The following FBXO22 variants were observed in gnomAD, a reference collection of about 807,000 sequenced individuals.
FBXO22 encodes F-box protein 22, also known as F-box only protein 22.
In FBXO22, 13 loss-of-function variants were observed where a neutral mutation model predicts 37.2. The ratio of observed to expected loss-of-function variants is 0.35; its 90% CI spans 0.23 to 0.56. The LOEUF is 0.56. Ranked by LOEUF, FBXO22 falls within the 20% of genes least tolerant of loss-of-function variation. The pLI, the probability that FBXO22 is intolerant of heterozygous loss-of-function variation, is 0.87. For synonymous variants in FBXO22, 189 were observed against 189.1 expected (o/e 1.00, Z 0.00); for missense variants, 446 against 509.9 (o/e 0.87, Z 1.21).
intron 5 of FBXO22, among the ~76,000 whole-genome samples, chr15:75,925,589 C>T (rs1051648316): frequency 6.6e-6 from 1 of 150,698 alleles, no homozygotes; most frequent in Non-Finnish European, 1.5e-5. Context: ...CAGAGAGAAT[C>T]AGTGCTGAAG....
Position 75,904,019 on chromosome 15 carries a change from G to C in FBXO22, c.56G>C (p.Ser19Thr). ...ECRGSSVDPR[S>T]TFVLSNLAEV... Reference sequence around the variant, plus strand: ...CGCGGCTCCTCCGTAGACCCGCGGAGCACCTTCGTGTTGAGTAACCTGGCG... The same window carrying C: ...CGCGGCTCCTCCGTAGACCCGCGGACCACCTTCGTGTTGAGTAACCTGGCG... The change falls in exon 1 of 7, where the codon AGC (serine) becomes ACC (threonine). Residue 19 changes from serine to threonine, a missense_variant. Physicochemically the swap from Ser to Thr is moderately conservative, Grantham distance 58. This residue lies in a region of FBXO22 where 131 missense variants were observed against 99.8 expected (regional missense o/e 1.31). Coordinates refer to ENST00000308275, the MANE Select transcript of FBXO22 (RefSeq NM_147188.3). 1 of 1,577,922 alleles carries C rather than the reference G, an allele frequency of 6.3e-7. No homozygotes were observed. Among genetic ancestry groups the C allele is most frequent in the East Asian group, 2.3e-5 (1 of 43,314 alleles).
Position 75,932,724 on chromosome 15 carries a change from G to A in FBXO22, c.834G>A (p.Leu278=), listed in dbSNP as rs200086646. Residue 278 remains leucine, a synonymous_variant, in exon 7 of 7, where the codon CTG becomes CTA. Coordinates refer to ENST00000308275, the MANE Select transcript of FBXO22 (RefSeq NM_147188.3). The part of the protein sequence containing the change: ...LDIDASGVVG[L]SFSGHRIQSA... ...TTGATGCCTCGGGTGTGGTTGGACT[G>A]TCATTTAGTGGACACCGAATCCAGA... The A allele has an allele frequency of 6.2e-7, 1 of 1,613,628 alleles. No homozygotes were observed. Among genetic ancestry groups the A allele is most frequent in the South Asian group, 1.1e-5 (1 of 90,996 alleles).
In FBXO22 at chr15:75,933,073, G is replaced by A. The variant is rs958919463; in HGVS notation, c.1183G>A (p.Ala395Thr). The change falls in exon 7 of 7, where the codon GCA becomes ACA. Residue 395 changes from alanine (A) to threonine (T), a missense_variant. By Grantham distance (58) the Ala-to-Thr change is moderately conservative. Transcript: ENST00000308275. ...GTTTCATAGCTATACAACAATAATG[G>A]CACTCATACATCTGGGGTCATCTAA... ...DLFHSYTTIM[A>T]LIHLGSSK The A allele has an allele frequency of 2.5e-6, 4 of 1,613,250 alleles. No homozygotes were observed. The Admixed American group carries it at 5.0e-5, about 20-fold the overall frequency.
At chr15:75,907,173 T>C (rs1263611266) in intron 2 of FBXO22, among the ~76,000 whole-genome samples, 2 of 152,242 alleles carry the variant, frequency 1.3e-5, no homozygotes, top group African/African-American at 4.8e-5. Context: ...ACAGACTTAG[T>C]TGTGAACCAT....
intron 6 of FBXO22, 137 bp from the exon 7 acceptor site, chr15:75,932,548 C>A: frequency 1.3e-6 from 1 of 766,448 alleles, no homozygotes; most frequent in South Asian, 1.9e-5. Context: ...ATTTTACTCA[C>A]CTATGAGGGT....
At chr15:75,908,125 T>G (rs1265601929) in intron 2 of FBXO22, among the ~76,000 whole-genome samples, 4 of 152,150 alleles carry the variant, frequency 2.6e-5, no homozygotes, top group Admixed American at 6.5e-5. Context: ...CAGCAGTTGC[T>G]TTTCAGTGGA....
At chr15:75,914,944 A>G (rs1283021102) in intron 4 of FBXO22, among the ~76,000 whole-genome samples, 1 of 152,198 alleles carries the variant, frequency 6.6e-6, no homozygotes, top group African/African-American at 2.4e-5. Context: ...AGATACACAA[A>G]GCAGTAAGTA....
At chr15:75,925,455 G>T in intron 5 of FBXO22, among the ~76,000 whole-genome samples, 1 of 5,960 alleles carries the variant, frequency 1.7e-4, no homozygotes, top group East Asian at 0.12. Context: ...CCACCAAGAG[G>T]GGTAAAATAG....
chr15:75,939,861 G>A lies in FBXO22; in HGVS notation c.*6759G>A, dbSNP rs2030755383. ...GTGATTAAAAACACTCAACAAATGA[G>A]GGATAAGAGGAAACTACCTGAACAT... On this transcript the variant is annotated 3_prime_UTR_variant, in exon 7 of 7. Transcript: ENST00000308275. 1 of 152,020 alleles carries A rather than the reference G, an allele frequency of 6.6e-6. No homozygotes were observed. The highest frequency in any genetic ancestry group is 2.4e-5 in the African/African-American group (1 of 41,400). 9.4% of individuals were successfully genotyped at this position (152,020 alleles called of 1,614,324 possible).
chr15:75,909,774 C>CTTT (rs58447748), intron 2 of FBXO22, among the ~76,000 whole-genome samples: 2 of 145,660 alleles, frequency 1.4e-5, no homozygotes, highest in Non-Finnish European at 3.0e-5. Flanking sequence ...TGGGGTGATA[C>CTTT]TTTTTTTTTT....
At position 75,942,183 on chromosome 15, in the gene FBXO22, G is replaced by T. The variant is rs1388039904; in HGVS notation, c.*9081G>T. 6.6e-6 allele frequency: 1 copy of T among 151,972 alleles called. No individual in the cohort carries two copies. Among genetic ancestry groups the T allele is most frequent in the Non-Finnish European group, 1.5e-5 (1 of 67,998 alleles). 9.4% of individuals were successfully genotyped at this position (151,972 alleles called of 1,614,324 possible). A position where few individuals can be genotyped will look rare whatever the true frequency, so the allele number is the denominator to read the frequency against. ...AGAGAGGGAGGGGTAAATACATGGA[G>T]TAGAGATTTTTAGGGTGGTGAAACT... On this transcript the variant is annotated 3_prime_UTR_variant, in exon 7 of 7. Transcript: ENST00000308275.
chr15:75,926,150 G>A (rs1013001314), intron 5 of FBXO22, among the ~76,000 whole-genome samples: 3 of 152,198 alleles, frequency 2.0e-5, no homozygotes, highest in South Asian at 2.1e-4. Context: ...TCCTGCTAAT[G>A]TATCAACTTT....
At chr15:75,904,225 C>G (rs551722189) in intron 1 of FBXO22, 122 bp downstream of exon 1, 57 of 1,345,498 alleles carry the variant, frequency 4.2e-5, no homozygotes, top group Admixed American at 5.7e-5. Context: ...CTCGCTCGCC[C>G]TACCTGAGGT....
intron 5 of FBXO22, among the ~76,000 whole-genome samples, chr15:75,920,786 C>A (rs335695): frequency 6.6e-6 from 1 of 152,084 alleles, no homozygotes; most frequent in Admixed American, 6.5e-5. Context: ...TCACGCCACT[C>A]TACTGCAGCC....
rs776321484 is a variant in FBXO22, at chr15:75,934,296, A to C, written c.*1194A>C. On this transcript the variant is annotated 3_prime_UTR_variant, in exon 7 of 7. Transcript: ENST00000308275. ...CACACCATTGTAGAAGAAAAACAAC[A>C]GAAGGATCCTGGTCCCTGTACGACC... The C allele has an allele frequency of 6.6e-5, 10 of 152,380 alleles. No homozygotes were observed. Among genetic ancestry groups the C allele is most frequent in the Non-Finnish European group, 1.3e-4 (9 of 68,058 alleles). The allele number at this position is 152,380 out of a possible 1,614,324, so 9.4% of individuals were successfully genotyped here. A position where few individuals can be genotyped will look rare whatever the true frequency, so the allele number is the denominator to read the frequency against.
At chr15:75,914,760 A>G (rs948642074) in intron 4 of FBXO22, among the ~76,000 whole-genome samples, 1 of 152,100 alleles carries the variant, frequency 6.6e-6, no homozygotes, top group Non-Finnish European at 1.5e-5. Context: ...ATGGTTAGAT[A>G]CCTGGATTCG....
At position 75,939,003 on chromosome 15, in the gene FBXO22, A is replaced by G. The variant is rs983304829; in HGVS notation, c.*5901A>G. ...GTAGACATAAATGCTTACATTAAAA[A>G]ACAAAAAAGACCTCATGTCAACAAC... On this transcript the variant is annotated 3_prime_UTR_variant, in exon 7 of 7. Coordinates refer to ENST00000308275, the MANE Select transcript of FBXO22 (RefSeq NM_147188.3). 1 of 152,196 alleles carries G rather than the reference A, an allele frequency of 6.6e-6. No individual in the cohort carries two copies. Among genetic ancestry groups the G allele is most frequent in the Non-Finnish European group, 1.5e-5 (1 of 68,028 alleles). The allele number at this position is 152,196 out of a possible 1,614,324, so 9.4% of individuals were successfully genotyped here. A position where few individuals can be genotyped will look rare whatever the true frequency, so the allele number is the denominator to read the frequency against.
At chr15:75,916,400 T>A (rs1459603614) in intron 4 of FBXO22, among the ~76,000 whole-genome samples, 2 of 152,192 alleles carry the variant, frequency 1.3e-5, no homozygotes, top group Non-Finnish European at 2.9e-5. Context: ...TTACAGCTGC[T>A]CTCTCACTGT....
intron 6 of FBXO22, among the ~76,000 whole-genome samples, chr15:75,931,824 C>T (rs536253693): frequency 1.6e-4 from 24 of 152,252 alleles, no homozygotes; most frequent in African/African-American, 5.5e-4. Context: ...TTAAGCTGAA[C>T]TCTAGACTCA....
Sources: gnomAD v4.1 joint callset for allele counts (sites outside exome capture counted in the v4.1 genomes callset) on GRCh38, gnomAD v4.1.1 for gene constraint, gnomAD v4.1.1 regional missense constraint, MANE v1.5 for transcripts, NCBI Gene and HGNC (gene_info 2026-07-23, HGNC 2026-07-21) for gene names.